Variants in MED27 observed in about 807,000 individuals in gnomAD.
MED27 encodes the protein mediator of RNA polymerase II transcription subunit 27.
A neutral mutation model predicts 38.2 loss-of-function variants in MED27; 30 were observed. The observed-to-expected ratio is 0.79, with a 90% confidence interval of 0.59 to 1.07. The LOEUF is 1.07. Among genes scored for constraint, MED27 ranks in the 50% least tolerant of loss-of-function variants. The pLI, the probability that MED27 is intolerant of heterozygous loss-of-function variation, is 0.00. For synonymous variants in MED27, 122 were observed against 153.5 expected (o/e 0.79, Z 1.52); for missense variants, 289 against 397.5 (o/e 0.73, Z 2.32).
chr9:132,059,077 A>C (rs773251825), intron 2 of MED27, among the ~76,000 whole-genome samples: 3 of 152,208 alleles, frequency 2.0e-5, no homozygotes, highest in Admixed American at 1.3e-4. Context: ...GACTGGAAAG[A>C]AGCAGCAGCA....
intron 4 of MED27, among the ~76,000 whole-genome samples, chr9:131,915,466 C>T (rs964432233): frequency 6.6e-6 from 1 of 152,076 alleles, no homozygotes; most frequent in Non-Finnish European, 1.5e-5. Context: ...AAACGTAACT[C>T]AAGATGGGGA....
At chr9:132,046,708 G>A (rs1238663901) in intron 2 of MED27, among the ~76,000 whole-genome samples, 4 of 152,150 alleles carry the variant, frequency 2.6e-5, no homozygotes, top group Non-Finnish European at 4.4e-5. Flanking sequence ...CTAAAATGTT[G>A]AGGGTAGAGA....
chr9:131,884,172 T>C (rs963676505), intron 5 of MED27, 73 bp from the exon 6 acceptor site: 7 of 1,209,012 alleles, frequency 5.8e-6, no homozygotes, highest in Admixed American at 4.5e-5. Context: ...ATATTGTAAC[T>C]ACTGTTAACC....
intron 4 of MED27, among the ~76,000 whole-genome samples, chr9:131,915,787 A>T (rs918950802): frequency 6.6e-6 from 1 of 152,230 alleles, no homozygotes; most frequent in African/African-American, 2.4e-5. Flanking sequence ...GCTCCACTTT[A>T]CAGAGTAGCA....
chr9:132,046,194 A>C (rs1195364775), intron 2 of MED27, among the ~76,000 whole-genome samples: 5 of 152,268 alleles, frequency 3.3e-5, no homozygotes, highest in Non-Finnish European at 5.9e-5. Flanking sequence ...ATATACAGGC[A>C]AAAGTTCAAC....
intron 3 of MED27, among the ~76,000 whole-genome samples, chr9:131,983,343 G>T (rs1382238208): frequency 1.3e-5 from 2 of 152,146 alleles, no homozygotes; most frequent in Non-Finnish European, 2.9e-5. Flanking sequence ...AAAATTTTAA[G>T]ACATGCACAA....
rs1830237635 is a variant in MED27, at chr9:131,913,955, C to CATTG, written c.574-19964_574-19963insCAAT. Among the ~76,000 whole-genome samples the CATTG allele has an allele frequency of 6.6e-6, 1 of 152,154 alleles. No individual in the cohort carries two copies. Among genetic ancestry groups the CATTG allele is most frequent in the African/African-American group, 2.4e-5 (1 of 41,410 alleles). On this transcript the variant is annotated intron_variant, in intron 4 of 7. Coordinates refer to ENST00000292035, the MANE Select transcript of MED27 (RefSeq NM_004269.4). The surrounding 1 kb of genome is among the most constrained non-coding windows in gnomAD (Gnocchi z 4.5). ...CTTGTACCGCTTGTCTTCATTCATT[C>CATTG]ATTCAACAGCTCTTAACAGAACGCT...
intron 2 of MED27, among the ~76,000 whole-genome samples, chr9:132,015,511 A>G (rs1832581846): frequency 6.6e-6 from 1 of 152,252 alleles, no homozygotes; most frequent in African/African-American, 2.4e-5. Flanking sequence ...GCACATTTAA[A>G]GTGAACAGTT....
chr9:132,073,421 C>A, intron 2 of MED27: 8 of 1,091,264 alleles, frequency 7.3e-6, no homozygotes, highest in Non-Finnish European at 7.8e-6. Context: ...GTACCAGGCG[C>A]CTTGCTAGTT....
intron 4 of MED27, among the ~76,000 whole-genome samples, chr9:131,901,645 T>C (rs879584698): frequency 4.6e-5 from 7 of 152,206 alleles, no homozygotes; most frequent in African/African-American, 9.6e-5. Context: ...GTTGGCTATG[T>C]AGATGAGCAG....
At chr9:131,876,635 G>A (rs762145777) in intron 6 of MED27, among the ~76,000 whole-genome samples, 3 of 152,050 alleles carry the variant, frequency 2.0e-5, no homozygotes, top group African/African-American at 4.8e-5. Context: ...AGAGCCCCGC[G>A]CCGATGCTTC....
At chr9:132,027,259 G>A (rs1459867847) in intron 2 of MED27, among the ~76,000 whole-genome samples, 1 of 152,236 alleles carries the variant, frequency 6.6e-6, no homozygotes, top group Non-Finnish European at 1.5e-5. Context: ...TCCACTCTGT[G>A]AGAAAGAAGA....
intron 4 of MED27, among the ~76,000 whole-genome samples, chr9:131,925,823 G>C (rs1282449722): frequency 6.6e-6 from 1 of 152,234 alleles, no homozygotes; most frequent in Middle Eastern, 3.2e-3. Context: ...TGCCAATCAT[G>C]CTGCAGCTCC....
At chr9:131,882,351 G>A (rs1390731018) in intron 6 of MED27, among the ~76,000 whole-genome samples, 1 of 152,128 alleles carries the variant, frequency 6.6e-6, no homozygotes, top group Non-Finnish European at 1.5e-5. Context: ...TTTCTTGTGG[G>A]GTAAGGAAAT....
intron 3 of MED27, among the ~76,000 whole-genome samples, chr9:132,007,387 G>A (rs557336491): frequency 2.0e-5 from 3 of 152,134 alleles, no homozygotes; most frequent in Non-Finnish European, 4.4e-5. Context: ...GGAACCAACC[G>A]CTGATACATG....
At chr9:132,057,233 G>A (rs1833599523) in intron 2 of MED27, among the ~76,000 whole-genome samples, 1 of 152,220 alleles carries the variant, frequency 6.6e-6, no homozygotes, top group Non-Finnish European at 1.5e-5. Flanking sequence ...CAAACAGGAT[G>A]ATCTACAGTG....
At chr9:131,996,117 G>A (rs1236165339) in intron 3 of MED27, among the ~76,000 whole-genome samples, 1 of 152,164 alleles carries the variant, frequency 6.6e-6, no homozygotes, top group East Asian at 1.9e-4. Flanking sequence ...GGGCACTTTG[G>A]GCTCCTGGTC....
At chr9:132,064,335 G>A (rs1361488486) in intron 2 of MED27, among the ~76,000 whole-genome samples, 1 of 152,176 alleles carries the variant, frequency 6.6e-6, no homozygotes, top group Non-Finnish European at 1.5e-5. Context: ...CGGGGATCTA[G>A]AGGAGATGTA....
At chr9:132,073,482 G>A in intron 2 of MED27, 1 of 1,203,278 alleles carries the variant, frequency 8.3e-7, no homozygotes, top group Non-Finnish European at 1.0e-6. Context: ...TCTCCCCTGA[G>A]CCTTATAGTT....
Sources: gnomAD v4.1 joint callset for allele counts (sites outside exome capture counted in the v4.1 genomes callset) on GRCh38, gnomAD v4.1.1 for gene constraint, Gnocchi (gnomAD v3.1) non-coding constraint, MANE v1.5 for transcripts, NCBI Gene and HGNC (gene_info 2026-07-23, HGNC 2026-07-21) for gene names.